PLBD2: variants seen among roughly 807,000 people sequenced by gnomAD.
The protein encoded by PLBD2 is putative aminopeptidase PLBD2.
Under a neutral mutation model 68.3 loss-of-function variants are expected in PLBD2, and 51 were observed. That is an observed-to-expected ratio of 0.75 (90% confidence interval 0.60 to 0.94). PLBD2 has a LOEUF of 0.94. Ranked by LOEUF, PLBD2 falls within the 40% of genes least tolerant of loss-of-function variation. The probability of loss-of-function intolerance (pLI) is 0.00; values close to 1 mark genes in which losing one functional copy is unlikely to be tolerated. For missense variants in PLBD2, 729 were observed against 792.2 expected, an observed-to-expected ratio of 0.92 and a Z score of 0.96; for synonymous variants, 314 against 339.3, an observed-to-expected ratio of 0.93 and a Z score of 0.82.
At position 113,387,830 on chromosome 12, in the gene PLBD2, C is replaced by A. The variant is rs202237058; in HGVS notation, c.1526C>A (p.Ser509Tyr). The change falls in exon 11 of 12, where the codon TCC becomes TAC. Residue 509 changes from serine to tyrosine, a missense_variant. Physicochemically the swap from Ser to Tyr is moderately radical, Grantham distance 144. Transcript: ENST00000280800. ...GGGGAGAATGCTATCTCCGCCCGCT[C>A]CGACCTCAACCCGGCCAATGGCTCC... Reference protein sequence around the residue: ...PNGENAISARSDLNPANGSYP... With the variant: ...PNGENAISARYDLNPANGSYP... The A allele has an allele frequency of 1.2e-6, 2 of 1,614,236 alleles. No homozygotes were observed. Among genetic ancestry groups the A allele is most frequent in the East Asian group, 2.2e-5 (1 of 44,874 alleles).
In PLBD2 at chr12:113,358,625, C is replaced by A. The variant is rs202030136; in HGVS notation, c.25C>A (p.Pro9Thr). The A allele has an allele frequency of 1.8e-3, 2,635 of 1,468,450 alleles. 3 individuals carry two copies. The highest frequency in any genetic ancestry group is 2.1e-3 in the Non-Finnish European group (2,360 of 1,117,650). 91.0% of individuals were successfully genotyped at this position (1,468,450 alleles called of 1,614,324 possible). A position where few individuals can be genotyped will look rare whatever the true frequency, so the allele number is the denominator to read the frequency against. MVGQMYCY[P>T]GSHLARALTR... Reference sequence around the variant, plus strand: ...CATGGTGGGCCAGATGTACTGCTACCCCGGCAGCCACCTGGCCCGGGCGCT... The same window carrying A: ...CATGGTGGGCCAGATGTACTGCTACACCGGCAGCCACCTGGCCCGGGCGCT... Residue 9 changes from proline to threonine, a missense_variant, in exon 1 of 12, where the codon CCC (proline) becomes ACC (threonine). By Grantham distance (38) the Pro-to-Thr change is conservative. Transcript: ENST00000280800.
At chr12:113,374,443 A>T in intron 3 of PLBD2, 31 bp from the exon 4 acceptor site, 1 of 1,403,898 alleles carries the variant, frequency 7.1e-7, no homozygotes, top group Non-Finnish European at 9.9e-7. Context: ...GAGAGGCCTC[A>T]CCCTCCCTCT....
rs780836605 is a variant in PLBD2, at chr12:113,369,227, G to C, written c.384+18G>C. On this transcript the variant is annotated intron_variant, in intron 2 of 11. Coordinates refer to ENST00000280800, the MANE Select transcript of PLBD2 (RefSeq NM_173542.4). ...CGGAGGAGGTAAGGGCCAAGGTGGG[G>C]ACATGGGGCTCCCACCCTGCCCCAG... is the stretch of plus-strand genomic sequence containing the variant. 6.4e-6 allele frequency: 10 copies of C among 1,573,566 alleles called. No homozygotes were observed. The highest frequency in any genetic ancestry group is 1.7e-4 in the Middle Eastern group (1 of 5,938).
At position 113,384,238 on chromosome 12, in the gene PLBD2, A is replaced by G; in HGVS notation, c.1091A>G (p.Asp364Gly). 2 of 1,613,524 alleles carry G rather than the reference A, an allele frequency of 1.2e-6. No individual in the cohort carries two copies. Among genetic ancestry groups the G allele is most frequent in the Non-Finnish European group, 1.7e-6 (2 of 1,179,790 alleles). The stretch of plus-strand genomic sequence containing the variant: ...GCCTCGGATGGGGCCACCTGGGCAG[A>G]CATCTTCAAGAGGTTCAACAGCGGC... ...RLASDGATWA[D>G]IFKRFNSGTY... Residue 364 changes from aspartate (D) to glycine (G), a missense_variant, in exon 7 of 12, where the codon GAC becomes GGC. By Grantham distance (94) the Asp-to-Gly change is moderately conservative (BLOSUM62 -1). Coordinates refer to ENST00000280800, the MANE Select transcript of PLBD2 (RefSeq NM_173542.4). This position sits in a 1 kb window ranked among gnomAD's most constrained non-coding sequence, Gnocchi z 4.2.
At position 113,384,212 on chromosome 12, in the gene PLBD2, G is replaced by T; in HGVS notation, c.1065G>T (p.Leu355=). The change falls in exon 7 of 12, where the codon CTG becomes CTT. Residue 355 remains leucine, a synonymous_variant. Coordinates refer to ENST00000280800, the MANE Select transcript of PLBD2 (RefSeq NM_173542.4). The surrounding 1 kb of genome is among the most constrained non-coding windows in gnomAD (Gnocchi z 4.2). Reference sequence around the variant, plus strand: ...TACGCAACATCGTGGCCAACCGCCTGGCCTCGGATGGGGCCACCTGGGCAG... The same window carrying T: ...TACGCAACATCGTGGCCAACCGCCTTGCCTCGGATGGGGCCACCTGGGCAG... The part of the protein sequence containing the change: ...EWVRNIVANR[L]ASDGATWADI... 6.2e-7 allele frequency: 1 copy of T among 1,613,912 alleles called. No individual in the cohort carries two copies. The highest frequency in any genetic ancestry group is 8.5e-7 in the Non-Finnish European group (1 of 1,179,958).
chr12:113,374,538 C>T lies in PLBD2; in HGVS notation c.608C>T (p.Pro203Leu). ...AGCTACGAAGGCCGTGTGAGCTTCC[C>T]AGCTGGGAAGTTCACCATCAAACCC... is the stretch of plus-strand genomic sequence containing the variant. ...EDSYEGRVSF[P>L]AGKFTIKPLG... The change falls in exon 4 of 12, where the codon CCA (proline) becomes CTA (leucine). Residue 203 changes from proline to leucine, a missense_variant. Pro to Leu is a moderately conservative substitution (Grantham distance 98). Transcript: ENST00000280800. The T allele has an allele frequency of 6.2e-7, 1 of 1,605,680 alleles. No individual in the cohort carries two copies. Among genetic ancestry groups the T allele is most frequent in the South Asian group, 1.1e-5 (1 of 89,216 alleles).
Position 113,387,801 on chromosome 12 carries a change from C to T in PLBD2, c.1497C>T (p.Pro499=), listed in dbSNP as rs1199437309. 3 of 1,614,110 alleles carry T rather than the reference C, an allele frequency of 1.9e-6. No homozygotes were observed. The highest frequency in any genetic ancestry group is 8.5e-7 in the Non-Finnish European group (1 of 1,179,946). ...LSLCKACNPQ[P]NGENAISARS... is the part of the protein sequence containing the mutation. Reference sequence around the variant, plus strand: ...TGTGCAAAGCCTGCAACCCCCAGCCCAATGGGGAGAATGCTATCTCCGCCC... The same window carrying T: ...TGTGCAAAGCCTGCAACCCCCAGCCTAATGGGGAGAATGCTATCTCCGCCC... The change falls in exon 11 of 12, where the codon CCC becomes CCT. Residue 499 remains proline (P), a synonymous_variant. Transcript: ENST00000280800.
chr12:113,375,150 G>T, intron 5 of PLBD2, 143 bp downstream of exon 5: 5 of 809,468 alleles, frequency 6.2e-6, no homozygotes, highest in Non-Finnish European at 9.7e-6. Flanking sequence ...TTTTGGTTTT[G>T]TTTTTTTCTT....
At position 113,386,926 on chromosome 12, in the gene PLBD2, G is replaced by T; in HGVS notation, c.1287-11G>T. 3 of 1,612,678 alleles carry T rather than the reference G, an allele frequency of 1.9e-6. No homozygotes were observed. Among genetic ancestry groups the T allele is most frequent in the East Asian group, 2.2e-5 (1 of 44,826 alleles). Reference sequence around the variant, plus strand: ...GTGGGGGTCATGGGTGACCATCCTTGTCCCCGGCAGGTCCTTCGAGACTGT... The same window carrying T: ...GTGGGGGTCATGGGTGACCATCCTTTTCCCCGGCAGGTCCTTCGAGACTGT... On this transcript the variant is annotated splice_polypyrimidine_tract_variant and intron_variant, in intron 9 of 11. Transcript: ENST00000280800.
In PLBD2 at chr12:113,372,227, G is replaced by A. The variant is rs1234865711; in HGVS notation, c.385-422G>A. Among the ~76,000 whole-genome samples the A allele has an allele frequency of 6.6e-6, 1 of 152,012 alleles. No individual in the cohort carries two copies. The highest frequency in any genetic ancestry group is 2.4e-5 in the African/African-American group (1 of 41,388). Reference sequence around the variant, plus strand: ...CGGTGGGAAGTGCAGAGGGCCGCATGAAGTCTGGGTGAAACTGCCACGGCA... The same window carrying A: ...CGGTGGGAAGTGCAGAGGGCCGCATAAAGTCTGGGTGAAACTGCCACGGCA... On this transcript the variant is annotated intron_variant, in intron 2 of 11. Transcript: ENST00000280800. This position sits in a 1 kb window ranked among gnomAD's most constrained non-coding sequence, Gnocchi z 4.2.
intron 6 of PLBD2, among the ~76,000 whole-genome samples, chr12:113,381,490 C>CT (rs1957490223): frequency 6.6e-6 from 1 of 152,170 alleles, no homozygotes; most frequent in Non-Finnish European, 1.5e-5. Context: ...AAAAAACACC[C>CT]TTAGCGCAGA....
At chr12:113,366,818 C>T (rs1376810222) in intron 1 of PLBD2, among the ~76,000 whole-genome samples, 2 of 148,936 alleles carry the variant, frequency 1.3e-5, no homozygotes, top group Non-Finnish European at 3.0e-5. Flanking sequence ...TCCCCCTTCC[C>T]TCCCCTTCTT....
At position 113,380,738 on chromosome 12, in the gene PLBD2, T is replaced by C; in HGVS notation, c.860-7T>C. The C allele has an allele frequency of 6.5e-7, 1 of 1,548,388 alleles. No individual in the cohort carries two copies. On this transcript the variant is annotated splice_region_variant and splice_polypyrimidine_tract_variant and intron_variant, in intron 5 of 11. Transcript: ENST00000280800. ...ACCAGCATCCCTGGCTCGCTCTGCC[T>C]GCACAGGGGACTACCCGCTGGTTCC...
At chr12:113,382,835 TTGTG>T (rs1209547269) in intron 6 of PLBD2, among the ~76,000 whole-genome samples, 10,403 of 106,390 alleles carry the variant, frequency 0.098, 584 homozygotes, top group Non-Finnish European at 0.13. Context: ...TGGTGGTTTT[TTGTG>T]TGTGTGTGTG....
chr12:113,361,329 TTTTTTTTTTTTG>T (rs1957292541), intron 1 of PLBD2, among the ~76,000 whole-genome samples: 1 of 148,076 alleles, frequency 6.8e-6, no homozygotes, highest in African/African-American at 2.5e-5. Context: ...TAAAAAAGGT[TTTTTTTTTTTTG>T]TTTTTTTTTT....
chr12:113,385,383 A>G (rs1957541718), intron 9 of PLBD2, 100 bp downstream of exon 9: 2 of 1,157,172 alleles, frequency 1.7e-6, no homozygotes, highest in Admixed American at 4.0e-5. Flanking sequence ...CCACAGAACA[A>G]AGAATCCCAG....
At position 113,387,000 on chromosome 12, in the gene PLBD2, G is replaced by A; in HGVS notation, c.1350G>A (p.Trp450Ter). The A allele has an allele frequency of 6.2e-7, 1 of 1,612,744 alleles. No individual in the cohort carries two copies. Among genetic ancestry groups the A allele is most frequent in the Non-Finnish European group, 8.5e-7 (1 of 1,179,452 alleles). Reference sequence around the variant, plus strand: ...CCCTAGTGGCCCAGTATGGGGACTGGTTTTCTTATGACGGGAGCCCCCGGG... The same window carrying A: ...CCCTAGTGGCCCAGTATGGGGACTGATTTTCTTATGACGGGAGCCCCCGGG... Reference protein sequence around the residue: ...LQALVAQYGDWFSYDGSPRAQ... With the variant: ...LQALVAQYGD Residue 450 changes from tryptophan (W) to a stop codon, truncating the protein, a stop_gained, in exon 10 of 12, where the codon TGG (tryptophan) becomes TGA (stop). Transcript: ENST00000280800. LOFTEE classifies it high-confidence loss of function.
chr12:113,373,605 C>T (rs1469497455), intron 3 of PLBD2, among the ~76,000 whole-genome samples: 1 of 151,620 alleles, frequency 6.6e-6, no homozygotes, highest in Admixed American at 6.6e-5. Flanking sequence ...TCCATTCATC[C>T]ACCTACCCAC....
intron 1 of PLBD2, among the ~76,000 whole-genome samples, chr12:113,360,828 G>A (rs1957285751): frequency 6.6e-6 from 1 of 152,058 alleles, no homozygotes; most frequent in South Asian, 2.1e-4. Context: ...GCTAATTTTT[G>A]TATTATTAGT....
Sources: gnomAD v4.1 joint callset for allele counts (sites outside exome capture counted in the v4.1 genomes callset) on GRCh38, gnomAD v4.1.1 for gene constraint, Gnocchi (gnomAD v3.1) non-coding constraint, MANE v1.5 for transcripts, NCBI Gene and HGNC (gene_info 2026-07-23, HGNC 2026-07-21) for gene names.